MLXIP: variants seen among roughly 807,000 people sequenced by gnomAD.
MLXIP encodes MLX interacting protein.
Under a neutral mutation model 87.2 loss-of-function variants are expected in MLXIP, and 30 were observed. The observed-to-expected ratio is 0.34, with a 90% confidence interval of 0.26 to 0.47. MLXIP has a LOEUF of 0.47. MLXIP is among the 20% of genes least tolerant of loss of function. The pLI is 1.00. For missense variants in MLXIP, 1,002 were observed against 1,240.1 expected, an observed-to-expected ratio of 0.81 and a Z score of 2.88; for synonymous variants, 530 against 514.0, an observed-to-expected ratio of 1.03 and a Z score of -0.42.
intron 1 of MLXIP, among the ~76,000 whole-genome samples, chr12:122,116,511 CA>C (rs1219641724): frequency 6.6e-6 from 1 of 152,162 alleles, no homozygotes; most frequent in Non-Finnish European, 1.5e-5. Context: ...TTGCCTCTTG[CA>C]AATCTGGTTT....
chr12:122,091,438 C>G (rs563248350), intron 1 of MLXIP, among the ~76,000 whole-genome samples: 3 of 152,268 alleles, frequency 2.0e-5, no homozygotes, highest in African/African-American at 7.2e-5. Flanking sequence ...TGGCTCAGGC[C>G]TGTAGTCCCA....
At chr12:122,088,245 G>A (rs1022381984) in intron 1 of MLXIP, among the ~76,000 whole-genome samples, 3 of 152,184 alleles carry the variant, frequency 2.0e-5, no homozygotes, top group Non-Finnish European at 2.9e-5. Context: ...TCTGAGTGGC[G>A]TGGAATATGC....
intron 1 of MLXIP, among the ~76,000 whole-genome samples, chr12:122,123,093 G>A (rs1392037482): frequency 1.3e-5 from 2 of 152,138 alleles, no homozygotes; most frequent in African/African-American, 2.4e-5. Context: ...CTTGAAGATT[G>A]ACGGGGCACA....
intron 1 of MLXIP, among the ~76,000 whole-genome samples, chr12:122,095,303 G>T (rs929122726): frequency 6.8e-4 from 103 of 151,712 alleles, no homozygotes; most frequent in East Asian, 2.1e-3. Context: ...TGTGTGGGGG[G>T]GTGTGTGTTT....
At chr12:122,093,813 G>T (rs1266142978) in intron 1 of MLXIP, among the ~76,000 whole-genome samples, 2 of 145,182 alleles carry the variant, frequency 1.4e-5, no homozygotes, top group Non-Finnish European at 3.0e-5. Context: ...TGTGTGTCGT[G>T]TGTTGGTGTG....
Position 122,141,950 on chromosome 12 carries a change from G to A in MLXIP, c.*138G>A. On this transcript the variant is annotated 3_prime_UTR_variant, in exon 17 of 17. Coordinates refer to ENST00000319080, the MANE Select transcript of MLXIP (RefSeq NM_014938.6). ...ACTCTGCCGGCCCACCGTGGCATCG[G>A]GAGGCCATGCTCAGGTCTGAAGCAG... 1 of 1,348,124 alleles carries A rather than the reference G, an allele frequency of 7.4e-7. No homozygotes were observed. Among genetic ancestry groups the A allele is most frequent in the Non-Finnish European group, 1.0e-6 (1 of 994,238 alleles). 83.5% of individuals were successfully genotyped at this position (1,348,124 alleles called of 1,614,324 possible).
intron 1 of MLXIP, among the ~76,000 whole-genome samples, chr12:122,108,273 CAGG>C: frequency 6.7e-6 from 1 of 148,526 alleles, no homozygotes; most frequent in East Asian, 2.0e-4. Flanking sequence ...GAGGCTGAGG[CAGG>C]AGAATGGCTT....
intron 1 of MLXIP, among the ~76,000 whole-genome samples, chr12:122,093,524 G>A (rs1186944088): frequency 3.5e-5 from 5 of 140,962 alleles, no homozygotes; most frequent in Non-Finnish European, 7.6e-5. Flanking sequence ...TGTGTGGAGG[G>A]TGTGTGTGTT....
At chr12:122,109,720 A>G (rs1028753137) in intron 1 of MLXIP, among the ~76,000 whole-genome samples, 2 of 152,248 alleles carry the variant, frequency 1.3e-5, no homozygotes, top group Non-Finnish European at 2.9e-5. Flanking sequence ...TGGAAGGTTA[A>G]TAAGTTGACT....
At chr12:122,094,854 G>A (rs1952324440) in intron 1 of MLXIP, among the ~76,000 whole-genome samples, 1 of 146,982 alleles carries the variant, frequency 6.8e-6, no homozygotes, top group Admixed American at 6.8e-5. Flanking sequence ...TGTTTGCAGT[G>A]TTTCTATGGT....
chr12:122,138,735 G>A lies in MLXIP; in HGVS notation c.2385-80G>A, dbSNP rs144303492. ...GTGCCTGGCTGTGGCCCGGCACTGG[G>A]CCAGCCCTGCCATCTTTTGTCCCAG... is the stretch of plus-strand genomic sequence containing the variant. On this transcript the variant is annotated intron_variant, in intron 14 of 16. Coordinates refer to ENST00000319080, the MANE Select transcript of MLXIP (RefSeq NM_014938.6). 1.9e-4 allele frequency: 299 copies of A among 1,556,984 alleles called. 1 individual carries two copies. The East Asian group carries it at 6.9e-3, about 36-fold the overall frequency.
At chr12:122,094,410 GGT>G (rs1468243039) in intron 1 of MLXIP, among the ~76,000 whole-genome samples, 169 of 141,852 alleles carry the variant, frequency 1.2e-3, no homozygotes, top group African/African-American at 4.0e-3. Flanking sequence ...TGGTGTGTGT[GGT>G]GTGTGTGGGG....
chr12:122,135,304 T>C lies in MLXIP; in HGVS notation c.1813T>C (p.Ser605Pro). The C allele has an allele frequency of 6.2e-7, 1 of 1,613,718 alleles. No individual in the cohort carries two copies. Among genetic ancestry groups the C allele is most frequent in the Admixed American group, 1.7e-5 (1 of 60,028 alleles). ...AGAAGGGATGTTGGCCTCCACCGTG[T>C]CCCAGTCCAACGTGGTCATTGCGCC... ...KREGMLASTV[S>P]QSNVVIAPAA... Residue 605 changes from serine (S) to proline (P), a missense_variant, in exon 10 of 17, where the codon TCC becomes CCC. Around this residue, in one of 3 missense-constraint regions of MLXIP, gnomAD observed 746 missense variants for 897.0 expected, o/e 0.83. Transcript: ENST00000319080. This position sits in a 1 kb window ranked among gnomAD's most constrained non-coding sequence, Gnocchi z 5.3.
chr12:122,140,896 G>A (rs756279691), intron 15 of MLXIP, 58 bp from the exon 16 acceptor site: 32 of 1,613,560 alleles, frequency 2.0e-5, no homozygotes, highest in Admixed American at 6.7e-5. Context: ...AACCACCTTC[G>A]GGTCTGCAGT....
chr12:122,117,598 G>T (rs1050297172), intron 1 of MLXIP, among the ~76,000 whole-genome samples: 4 of 152,210 alleles, frequency 2.6e-5, no homozygotes, highest in African/African-American at 7.2e-5. Context: ...ATCTGTTTTT[G>T]TGATGAATTG....
chr12:122,137,368 C>A lies in MLXIP; in HGVS notation c.2033-101C>A. On this transcript the variant is annotated intron_variant, in intron 11 of 16. Coordinates refer to ENST00000319080, the MANE Select transcript of MLXIP (RefSeq NM_014938.6). The surrounding 1 kb of genome is among the most constrained non-coding windows in gnomAD (Gnocchi z 4.1). Reference sequence around the variant, plus strand: ...TGAAAGAACCAAGTGCAATACGTGGCTAGCAGCGAGCACCTCATAACCCTG... The same window carrying A: ...TGAAAGAACCAAGTGCAATACGTGGATAGCAGCGAGCACCTCATAACCCTG... The A allele has an allele frequency of 7.5e-7, 1 of 1,340,306 alleles. No homozygotes were observed. The highest frequency in any genetic ancestry group is 1.0e-6 in the Non-Finnish European group (1 of 998,042). The allele number at this position is 1,340,306 out of a possible 1,614,324, so 83.0% of individuals were successfully genotyped here.
In MLXIP at chr12:122,135,882, CAT is replaced by C. The variant is rs1366493857; in HGVS notation, c.2032+217_2032+218del. ...CACTGGCAGGGCAAAAAGTAGTGAA[CAT>C]GTGGCAGTGTAGGTGACCCGTGTGC... On this transcript the variant is annotated intron_variant, in intron 11 of 16. Coordinates refer to ENST00000319080, the MANE Select transcript of MLXIP (RefSeq NM_014938.6). The surrounding 1 kb of genome is among the most constrained non-coding windows in gnomAD (Gnocchi z 5.3). The C allele has an allele frequency of 1.5e-5, 9 of 582,784 alleles. No homozygotes were observed. Among genetic ancestry groups the C allele is most frequent in the Non-Finnish European group, 2.3e-5 (8 of 350,190 alleles). The allele number at this position is 582,784 out of a possible 1,614,324, so 36.1% of individuals were successfully genotyped here.
Position 122,135,053 on chromosome 12 carries a change from C to T in MLXIP, c.1733-171C>T, listed in dbSNP as rs528429732. On this transcript the variant is annotated intron_variant, in intron 9 of 16. Coordinates refer to ENST00000319080, the MANE Select transcript of MLXIP (RefSeq NM_014938.6). The surrounding 1 kb of genome is among the most constrained non-coding windows in gnomAD (Gnocchi z 5.3). Reference sequence around the variant, plus strand: ...GGCCATCTCTTTCCTGGGTCTATAACATGTCTCCTTCAAGAAGTCACACAA... The same window carrying T: ...GGCCATCTCTTTCCTGGGTCTATAATATGTCTCCTTCAAGAAGTCACACAA... 17 of 726,216 alleles carry T rather than the reference C, an allele frequency of 2.3e-5. No homozygotes were observed. In the East Asian group the frequency reaches 2.5e-4, roughly 11 times the overall value. The allele number at this position is 726,216 out of a possible 1,614,324, so 45.0% of individuals were successfully genotyped here.
chr12:122,082,561 A>G, intron 1 of MLXIP, among the ~76,000 whole-genome samples: 1 of 152,226 alleles, frequency 6.6e-6, no homozygotes, highest in East Asian at 1.9e-4. Flanking sequence ...GGGTTATGGC[A>G]GAATTTTAGT....
Sources: gnomAD v4.1 joint callset for allele counts (sites outside exome capture counted in the v4.1 genomes callset) on GRCh38, gnomAD v4.1.1 for gene constraint, gnomAD v4.1.1 regional missense constraint, Gnocchi (gnomAD v3.1) non-coding constraint, MANE v1.5 for transcripts, NCBI Gene and HGNC (gene_info 2026-07-23, HGNC 2026-07-21) for gene names.